The following PRKCA variants were observed in gnomAD, a reference collection of about 807,000 sequenced individuals.
The protein encoded by PRKCA is protein kinase C alpha.
Under a neutral mutation model 87.0 loss-of-function variants are expected in PRKCA, and 27 were observed. The ratio of observed to expected loss-of-function variants is 0.31; its 90% CI spans 0.23 to 0.43. The LOEUF (loss-of-function observed/expected upper bound fraction) is 0.43, where lower values mean the gene tolerates loss of function less well. Ranked by LOEUF, PRKCA falls within the 20% of genes least tolerant of loss-of-function variation. The pLI is 1.00. For missense variants in PRKCA, 518 were observed against 852.3 expected (o/e 0.61, Z 4.88); for synonymous variants, 329 against 311.1 (o/e 1.06, Z -0.61).
rs139491479 is a variant in PRKCA at position 66,487,926 on chromosome 17, T to C, written c.206-8275T>C. On this transcript the variant is annotated intron_variant, in intron 2 of 16. Coordinates refer to ENST00000413366, the MANE Select transcript of PRKCA (RefSeq NM_002737.3). ...TGTTTCTTCACTTTGTTTCCTTTGCTGCACAGAAGCTTCTTAGCTTGATAT... is the reference window on the plus strand; with the variant it reads ...TGTTTCTTCACTTTGTTTCCTTTGCCGCACAGAAGCTTCTTAGCTTGATAT... 2.6e-5 allele frequency among the ~76,000 whole-genome samples: 4 copies of C among 152,332 alleles called. No homozygotes were observed. In the East Asian group the frequency reaches 5.8e-4, roughly 22 times the overall value.
intron 3 of PRKCA, among the ~76,000 whole-genome samples, chr17:66,634,346 T>G (rs1345180921): frequency 6.6e-6 from 1 of 152,206 alleles, no homozygotes; most frequent in Admixed American, 6.5e-5. Flanking sequence ...TTTTCCCTCT[T>G]TCGTTATAAT....
intron 3 of PRKCA, among the ~76,000 whole-genome samples, chr17:66,589,054 A>G (rs559313780): frequency 1.3e-5 from 2 of 152,188 alleles, no homozygotes; most frequent in South Asian, 2.1e-4. Flanking sequence ...AGGTAATGAT[A>G]CTTACAATTA....
chr17:66,794,058 G>C (rs146090091), intron 16 of PRKCA, among the ~76,000 whole-genome samples: 73 of 152,312 alleles, frequency 4.8e-4, no homozygotes, highest in African/African-American at 1.7e-3. Flanking sequence ...GAGCAGAATA[G>C]CTAGTTCATA....
intron 3 of PRKCA, among the ~76,000 whole-genome samples, chr17:66,627,132 C>T (rs76452234): frequency 0.017 from 2,644 of 152,258 alleles, 74 homozygotes; most frequent in African/African-American, 0.058. Context: ...GAGATATTTT[C>T]ATTAGGTATT....
chr17:66,367,557 G>C (rs1392755784), intron 2 of PRKCA, among the ~76,000 whole-genome samples: 1 of 152,210 alleles, frequency 6.6e-6, no homozygotes, highest in Non-Finnish European at 1.5e-5. Flanking sequence ...GCCCTTCAGA[G>C]TCTGTTACAC....
At chr17:66,330,720 T>C (rs1906277215) in intron 2 of PRKCA, among the ~76,000 whole-genome samples, 1 of 152,170 alleles carries the variant, frequency 6.6e-6, no homozygotes, top group Non-Finnish European at 1.5e-5. Context: ...TTGTGTACAC[T>C]GACAATAACT....
At chr17:66,405,341 G>T (rs1387195012) in intron 2 of PRKCA, among the ~76,000 whole-genome samples, 1 of 152,214 alleles carries the variant, frequency 6.6e-6, no homozygotes. Flanking sequence ...TGAAAATGGT[G>T]CATTGGCAAA....
chr17:66,514,440 C>A (rs758321594), intron 3 of PRKCA, among the ~76,000 whole-genome samples: 1 of 152,134 alleles, frequency 6.6e-6, no homozygotes, highest in Non-Finnish European at 1.5e-5. Context: ...CTGCTGCATG[C>A]TAAGTGTGTC....
chr17:66,562,136 AT>A (rs1324161208), intron 3 of PRKCA, among the ~76,000 whole-genome samples: 1 of 57,112 alleles, frequency 1.8e-5, no homozygotes, highest in African/African-American at 7.9e-5. Flanking sequence ...ATATAATTAA[AT>A]TATATATATA....
chr17:66,351,062 G>A (rs1053332610), intron 2 of PRKCA, among the ~76,000 whole-genome samples: 1 of 152,238 alleles, frequency 6.6e-6, no homozygotes, highest in African/African-American at 2.4e-5. Context: ...AATGTTTGAT[G>A]GAAGAAACTC....
At chr17:66,624,197 C>T (rs1390089891) in intron 3 of PRKCA, among the ~76,000 whole-genome samples, 2 of 149,786 alleles carry the variant, frequency 1.3e-5, no homozygotes, top group Non-Finnish European at 3.0e-5. Context: ...TAGAGTGTGG[C>T]ATGGGGAAGG....
Position 66,741,730 on chromosome 17 carries a change from T to C in PRKCA, c.1385+9T>C. 1 of 1,613,684 alleles carries C rather than the reference T, an allele frequency of 6.2e-7. No homozygotes were observed. The highest frequency in any genetic ancestry group is 8.5e-7 in the Non-Finnish European group (1 of 1,179,688). On this transcript the variant is annotated intron_variant, in intron 12 of 16. Coordinates refer to ENST00000413366, the MANE Select transcript of PRKCA (RefSeq NM_002737.3). ...AGAGGAATCATTTATAGGTGTGTAT[T>C]GAAGCCCTCCTACCAGCAGCTCAGC...
intron 3 of PRKCA, among the ~76,000 whole-genome samples, chr17:66,506,020 G>A (rs1916960509): frequency 1.3e-5 from 2 of 152,188 alleles, no homozygotes; most frequent in South Asian, 4.1e-4. Context: ...TGGAGGCCAG[G>A]CGCTGTGGCT....
chr17:66,302,831 A>C lies in PRKCA; in HGVS notation c.-21A>C. 2.2e-5 allele frequency: 30 copies of C among 1,335,778 alleles called. No individual in the cohort carries two copies. Among genetic ancestry groups the C allele is most frequent in the East Asian group, 9.1e-5 (2 of 21,896 alleles). The allele number at this position is 1,335,778 out of a possible 1,614,324, so 82.7% of individuals were successfully genotyped here. A position where few individuals can be genotyped will look rare whatever the true frequency, so the allele number is the denominator to read the frequency against. On this transcript the variant is annotated 5_prime_UTR_variant, in exon 1 of 17. Coordinates refer to ENST00000413366, the MANE Select transcript of PRKCA (RefSeq NM_002737.3). ...GCGGCCGCAGCTCCCCGGCGGAGGCAAGAGGTGGTTGGGGGGGACCATGGC... is the reference window on the plus strand; with the variant it reads ...GCGGCCGCAGCTCCCCGGCGGAGGCCAGAGGTGGTTGGGGGGGACCATGGC...
At chr17:66,713,878 T>C (rs1432873539) in intron 8 of PRKCA, among the ~76,000 whole-genome samples, 1 of 152,152 alleles carries the variant, frequency 6.6e-6, no homozygotes, top group African/African-American at 2.4e-5. Flanking sequence ...CCAATGGTCA[T>C]GGGTGGTCAG....
chr17:66,782,292 T>C (rs1053547315), intron 14 of PRKCA, among the ~76,000 whole-genome samples: 3 of 150,344 alleles, frequency 2.0e-5, no homozygotes, highest in Non-Finnish European at 4.4e-5. Context: ...TTATCACAAT[T>C]AAAAAAAAAA....
At chr17:66,774,120 T>C (rs1462041335) in intron 14 of PRKCA, 53 bp downstream of exon 14, 2 of 1,613,378 alleles carry the variant, frequency 1.2e-6, no homozygotes, top group Non-Finnish European at 1.7e-6. Flanking sequence ...ATGTGAATAC[T>C]TCAGCTCTGG....
intron 3 of PRKCA, among the ~76,000 whole-genome samples, chr17:66,524,389 A>G (rs1967273237): frequency 6.6e-6 from 1 of 152,176 alleles, no homozygotes; most frequent in African/African-American, 2.4e-5. Context: ...AGTCACAAGA[A>G]ACTGTTACTG....
chr17:66,362,972 G>T (rs945891918), intron 2 of PRKCA, among the ~76,000 whole-genome samples: 2 of 152,224 alleles, frequency 1.3e-5, no homozygotes, highest in Admixed American at 6.5e-5. Context: ...GAGATTACAG[G>T]TGTGAGCCAC....
Sources: allele counts gnomAD v4.1 joint callset (sites outside exome capture counted in the v4.1 genomes callset), GRCh38; gene constraint gnomAD v4.1.1; transcripts MANE v1.5; gene names NCBI Gene and HGNC (gene_info 2026-07-23, HGNC 2026-07-21).